The following TOM1 variants were observed in gnomAD, a reference collection of about 807,000 sequenced individuals.
TOM1 encodes target of Myb protein 1.
In TOM1, 38 loss-of-function variants were observed where a neutral mutation model predicts 61.3. That is an observed-to-expected ratio of 0.62 (90% confidence interval 0.48 to 0.81). The LOEUF (loss-of-function observed/expected upper bound fraction) is 0.81, where lower values mean the gene tolerates loss of function less well. Ranked by LOEUF, TOM1 falls within the 40% of genes least tolerant of loss-of-function variation. The probability of loss-of-function intolerance (pLI) is 0.00; values close to 1 mark genes in which losing one functional copy is unlikely to be tolerated. For missense variants in TOM1, 591 were observed against 659.6 expected (o/e 0.90, Z 1.14); for synonymous variants, 270 against 268.8 (o/e 1.00, Z -0.04).
intron 7 of TOM1, among the ~76,000 whole-genome samples, chr22:35,329,019 G>A (rs1225905794): frequency 2.6e-5 from 4 of 152,116 alleles, no homozygotes; most frequent in Non-Finnish European, 5.9e-5. Context: ...GCAGTGGCGC[G>A]ATCTCGGCTC....
chr22:35,338,648 C>A, intron 11 of TOM1, 65 bp from the exon 12 acceptor site: 1 of 1,372,156 alleles, frequency 7.3e-7, no homozygotes, highest in Non-Finnish European at 9.8e-7. Context: ...CCCCCCAGCC[C>A]GCTCCGTTCT....
chr22:35,302,920 C>G (rs1178369885), intron 1 of TOM1, among the ~76,000 whole-genome samples: 1 of 152,184 alleles, frequency 6.6e-6, no homozygotes, highest in Admixed American at 6.5e-5. Flanking sequence ...ACTGATGACA[C>G]AGTATAGCTG....
At chr22:35,330,317 C>T (rs550480088) in intron 7 of TOM1, 30 bp from the exon 8 acceptor site, 8 of 1,590,600 alleles carry the variant, frequency 5.0e-6, no homozygotes, top group Middle Eastern at 3.4e-4. Context: ...AGTCATGTGA[C>T]TGTGGTTGCC....
At chr22:35,300,482 C>G (rs1026508926) in intron 1 of TOM1, among the ~76,000 whole-genome samples, 2 of 152,202 alleles carry the variant, frequency 1.3e-5, no homozygotes, top group Non-Finnish European at 2.9e-5. Context: ...AGGGGCCCAG[C>G]GCCGGACAGC....
At chr22:35,311,359 G>A (rs946699663) in intron 1 of TOM1, among the ~76,000 whole-genome samples, 7 of 152,222 alleles carry the variant, frequency 4.6e-5, no homozygotes, top group Admixed American at 1.3e-4. Flanking sequence ...CCACAACAAC[G>A]CACTTTGTTT....
chr22:35,334,269 C>A, intron 10 of TOM1, 59 bp from the exon 11 acceptor site: 1 of 1,568,432 alleles, frequency 6.4e-7, no homozygotes, highest in Non-Finnish European at 8.7e-7. Flanking sequence ...GGTAGCTCAG[C>A]AGCAGCTCAC....
rs1384800822 is a variant in TOM1 at position 35,323,078 on chromosome 22, G to A, written c.267G>A (p.Val89=). 13 of 1,614,048 alleles carry A rather than the reference G, an allele frequency of 8.1e-6. No individual in the cohort carries two copies. Among genetic ancestry groups the A allele is most frequent in the East Asian group, 4.5e-5 (2 of 44,886 alleles). The part of the protein sequence containing the change: ...KNCGHRFHVL[V]ASQDFVESVL... ...GCGGGCACCGCTTCCACGTGCTGGT[G>A]GCCAGCCAGGACTTCGTGGAGAGTG... The change falls in exon 4 of 15, where the codon GTG becomes GTA. Residue 89 remains valine (V), a synonymous_variant. Transcript: ENST00000449058. The surrounding 1 kb of genome is among the most constrained non-coding windows in gnomAD (Gnocchi z 4.2).
chr22:35,341,693 G>A (rs563196809), intron 12 of TOM1, among the ~76,000 whole-genome samples: 15 of 152,248 alleles, frequency 9.9e-5, no homozygotes, highest in African/African-American at 1.9e-4. Context: ...CAATTCAGGC[G>A]TGACTAAAAC....
chr22:35,313,125 T>C (rs1267790518), intron 1 of TOM1, among the ~76,000 whole-genome samples: 2 of 152,066 alleles, frequency 1.3e-5, no homozygotes, highest in African/African-American at 4.8e-5. Context: ...GGCGGGTGGA[T>C]CACTTGAGGT....
chr22:35,330,548 T>C, intron 8 of TOM1, 68 bp downstream of exon 8: 1 of 1,458,202 alleles, frequency 6.9e-7, no homozygotes, highest in Non-Finnish European at 9.2e-7. Context: ...TCCTCCCTGT[T>C]CTCCTGGTCT....
upstream of TOM1, chr22:35,299,664 G>T: frequency 2.0e-6 from 1 of 504,634 alleles, no homozygotes; most frequent in Non-Finnish European, 3.5e-6. Context: ...GGCTTAAAGA[G>T]GACCGCGCTT....
intron 11 of TOM1, among the ~76,000 whole-genome samples, chr22:35,335,194 G>C (rs1381573689): frequency 1.3e-5 from 2 of 152,204 alleles, no homozygotes; most frequent in African/African-American, 2.4e-5. Flanking sequence ...GACCCCCAGG[G>C]CTGAGCTGTG....
At chr22:35,333,615 C>A in intron 10 of TOM1, 118 bp downstream of exon 10, 1 of 896,686 alleles carries the variant, frequency 1.1e-6, no homozygotes, top group Non-Finnish European at 1.8e-6. Context: ...TGGACCCCAC[C>A]TTGCTGGGGT....
intron 12 of TOM1, among the ~76,000 whole-genome samples, chr22:35,342,971 CCT>C (rs1930023182): frequency 9.2e-6 from 1 of 109,230 alleles, no homozygotes; most frequent in South Asian, 2.8e-4. Flanking sequence ...ACACACCACA[CCT>C]ACACACTCAT....
chr22:35,301,025 A>G (rs1178658098), intron 1 of TOM1, among the ~76,000 whole-genome samples: 2 of 149,894 alleles, frequency 1.3e-5, no homozygotes, highest in African/African-American at 2.5e-5. Context: ...CAGCCTGGGC[A>G]ACATGGCGAG....
intron 1 of TOM1, among the ~76,000 whole-genome samples, chr22:35,302,994 G>A (rs956988896): frequency 3.9e-5 from 6 of 152,068 alleles, no homozygotes; most frequent in Admixed American, 6.6e-5. Flanking sequence ...CAAGCCTGCC[G>A]ACTCCCATGC....
chr22:35,337,298 A>C (rs1265383355), intron 11 of TOM1, among the ~76,000 whole-genome samples: 1 of 152,148 alleles, frequency 6.6e-6, no homozygotes, highest in Non-Finnish European at 1.5e-5. Context: ...TGGCTTCTTC[A>C]GCCTTGCCCA....
chr22:35,318,318 G>A (rs572478144), intron 2 of TOM1: 119 of 347,758 alleles, frequency 3.4e-4, no homozygotes, highest in African/African-American at 2.2e-3. Context: ...TTCTGCAGGC[G>A]GGAGTGTGTA....
At chr22:35,330,851 T>C (rs1385747706) in intron 8 of TOM1, among the ~76,000 whole-genome samples, 1 of 152,358 alleles carries the variant, frequency 6.6e-6, no homozygotes, top group Non-Finnish European at 1.5e-5. Flanking sequence ...TGCTGCAAGC[T>C]ACACAAAACA....
Sources: allele counts gnomAD v4.1 joint callset (sites outside exome capture counted in the v4.1 genomes callset), GRCh38; gene constraint gnomAD v4.1.1; non-coding constraint Gnocchi (gnomAD v3.1); transcripts MANE v1.5; gene names NCBI Gene and HGNC (gene_info 2026-07-23, HGNC 2026-07-21).